Variants in APTX observed in about 807,000 individuals in gnomAD.
The protein encoded by APTX is forkhead-associated domain histidine triad-like protein.
In APTX, 33 loss-of-function variants were observed where a neutral mutation model predicts 42.3. That is an observed-to-expected ratio of 0.78 (90% CI 0.59 to 1.04). The LOEUF (loss-of-function observed/expected upper bound fraction) is 1.04. Among genes scored for constraint, APTX ranks in the 50% least tolerant of loss-of-function variants. APTX has a pLI of 0.00. For missense variants in APTX, 421 were observed against 415.1 expected (o/e 1.01, Z -0.12); for synonymous variants, 130 against 146.7 (o/e 0.89, Z 0.82).
intron 1 of APTX, among the ~76,000 whole-genome samples, chr9:33,023,400 T>G (rs1838557887): frequency 1.3e-5 from 2 of 152,096 alleles, no homozygotes; most frequent in South Asian, 2.1e-4. Flanking sequence ...ATTGTTTCTA[T>G]TTTTAGTAGA....
At chr9:32,994,914 C>G (rs566336551) in intron 1 of APTX, among the ~76,000 whole-genome samples, 9 of 152,186 alleles carry the variant, frequency 5.9e-5, no homozygotes, top group Non-Finnish European at 1.2e-4. Context: ...ACTCAGTCCA[C>G]TCTGCCTGTG....
upstream of APTX, among the ~76,000 whole-genome samples, chr9:33,002,643 T>C (rs1237461677): frequency 1.3e-5 from 2 of 152,180 alleles, no homozygotes; most frequent in South Asian, 2.1e-4. Flanking sequence ...ATGCTGCTGT[T>C]TGGAGTTGAG....
intron 1 of APTX, among the ~76,000 whole-genome samples, chr9:32,996,151 G>A (rs1376977676): frequency 6.6e-6 from 1 of 152,130 alleles, no homozygotes; most frequent in Non-Finnish European, 1.5e-5. Context: ...TATGCACTAA[G>A]AAACCAAAAC....
chr9:33,006,999 C>CAAAAAAAAAAAAAAAAAAA (rs55924566), intron 1 of APTX, among the ~76,000 whole-genome samples: 31 of 49,446 alleles, frequency 6.3e-4, no homozygotes, highest in East Asian at 1.6e-3. Context: ...GACTCTGTCT[C>CAAAAAAAAAAAAAAAAAAA]AAAAAAAAAA....
In APTX at chr9:32,978,257, C is replaced by T. The variant is rs192377327; in HGVS notation, c.771-3696G>A. 2.8e-3 allele frequency among the ~76,000 whole-genome samples: 420 copies of T among 152,298 alleles called. 2 individuals are homozygous for T. Among genetic ancestry groups the T allele is most frequent in the African/African-American group, 9.7e-3 (405 of 41,568 alleles). On this transcript the variant is annotated intron_variant, in intron 6 of 7. Coordinates refer to ENST00000379817, the MANE Select transcript of APTX (RefSeq NM_001195248.2). ...GCCTGTCTGTCCAGATTCTTCTTAA[C>T]CTCTTTGTGCAGCATTCCTTCTTCC...
intron 1 of APTX, chr9:33,019,700 G>A (rs1202367645): frequency 1.9e-6 from 1 of 518,432 alleles, no homozygotes; most frequent in Admixed American, 4.0e-5. Flanking sequence ...CCCAGGCCAG[G>A]CTTAGCGGGA....
intron 1 of APTX, among the ~76,000 whole-genome samples, chr9:33,009,096 C>CT (rs1187887092): frequency 9.9e-5 from 15 of 152,214 alleles, no homozygotes; most frequent in African/African-American, 3.6e-4. Context: ...CTTATTAACT[C>CT]TTAACTCTTT....
At chr9:32,996,278 C>CTT (rs112456184) in intron 1 of APTX, among the ~76,000 whole-genome samples, 360 of 142,712 alleles carry the variant, frequency 2.5e-3, no homozygotes, top group Middle Eastern at 3.6e-3. Flanking sequence ...ATAAATCGCT[C>CTT]TTTTTTTTTT....
intron 1 of APTX, among the ~76,000 whole-genome samples, chr9:32,996,831 G>T (rs1006226799): frequency 6.6e-6 from 1 of 152,242 alleles, no homozygotes; most frequent in Non-Finnish European, 1.5e-5. Context: ...ATGAGGAGGG[G>T]TTTCGGGAGA....
chr9:32,977,769 T>C (rs994667796), intron 6 of APTX, among the ~76,000 whole-genome samples: 2 of 152,002 alleles, frequency 1.3e-5, no homozygotes, highest in African/African-American at 4.8e-5. Context: ...AGGCAGGGGT[T>C]TCAGGGAGCT....
chr9:32,992,838 G>A (rs556119882), intron 1 of APTX, among the ~76,000 whole-genome samples: 9 of 152,190 alleles, frequency 5.9e-5, no homozygotes, highest in Non-Finnish European at 8.8e-5. Context: ...CTCTGTGAAG[G>A]AGCTGATGCA....
intron 5 of APTX, 74 bp from the exon 6 acceptor site, chr9:32,984,931 T>C (rs974654484): frequency 7.5e-7 from 1 of 1,333,014 alleles, no homozygotes; most frequent in East Asian, 2.3e-5. Context: ...TTATATTCAC[T>C]AAGTCACTTA....
At chr9:32,994,961 T>C (rs1327758177) in intron 1 of APTX, among the ~76,000 whole-genome samples, 4 of 152,226 alleles carry the variant, frequency 2.6e-5, no homozygotes, top group South Asian at 2.1e-4. Context: ...GACGACAGCA[T>C]GACTGACTGA....
intron 1 of APTX, among the ~76,000 whole-genome samples, chr9:33,000,830 G>T (rs1325602575): frequency 1.4e-5 from 2 of 140,272 alleles, no homozygotes; most frequent in Non-Finnish European, 1.6e-5. Context: ...ATGGGGAAAG[G>T]CTTTTTTTTT....
upstream of APTX, among the ~76,000 whole-genome samples, chr9:33,004,153 AGT>A (rs1836953120): frequency 2.0e-5 from 3 of 152,242 alleles, no homozygotes; most frequent in Admixed American, 2.0e-4. Context: ...CATTTTTCTA[AGT>A]GAAGTAACTC....
chr9:33,000,845 CTTTTTTTTT>C lies in APTX; in HGVS notation c.-5+713_-5+721del, dbSNP rs74178838. On this transcript the variant is annotated intron_variant, in intron 1 of 7. Transcript: ENST00000379817. ...ATGGGGAAAGGCTTTTTTTTTTTTT[CTTTTTTTTT>C]TTTTTTTTGAGACGGAGTTTCGCTC... is the stretch of plus-strand genomic sequence containing the variant. Among the ~76,000 whole-genome samples the C allele has an allele frequency of 2.2e-4, 22 of 98,808 alleles. No individual in the cohort carries two copies. In the Admixed American group the frequency reaches 2.6e-3, roughly 12 times the overall value. 64.8% of individuals were successfully genotyped at this position (98,808 alleles called of 152,430 possible).
intron 6 of APTX, among the ~76,000 whole-genome samples, chr9:32,979,092 T>C (rs902068296): frequency 6.6e-6 from 1 of 152,186 alleles, no homozygotes; most frequent in Non-Finnish European, 1.5e-5. Flanking sequence ...GCTATATAGG[T>C]AAATTGTATG....
chr9:32,984,156 G>C (rs1181478811), intron 6 of APTX, among the ~76,000 whole-genome samples: 4 of 152,090 alleles, frequency 2.6e-5, no homozygotes, highest in Non-Finnish European at 5.9e-5. Flanking sequence ...GAATCCTTCT[G>C]GGCATAAGCC....
chr9:33,017,047 C>T (rs1301434033), intron 1 of APTX, among the ~76,000 whole-genome samples: 1 of 152,186 alleles, frequency 6.6e-6, no homozygotes, highest in Non-Finnish European at 1.5e-5. Flanking sequence ...ATTCATAATA[C>T]TTTGAACCAA....
Sources: gnomAD v4.1 joint callset for allele counts (sites outside exome capture counted in the v4.1 genomes callset) on GRCh38, gnomAD v4.1.1 for gene constraint, MANE v1.5 for transcripts, NCBI Gene and HGNC (gene_info 2026-07-23, HGNC 2026-07-21) for gene names.